DAB1: variants seen among roughly 807,000 people sequenced by gnomAD.
DAB1 encodes the protein DAB adaptor protein 1.
DAB1 carries 15 observed loss-of-function variants against 64.6 expected under a neutral mutation model. The observed-to-expected ratio is 0.23, with a 90% CI of 0.16 to 0.36. DAB1 has a LOEUF of 0.36. Among genes scored for constraint, DAB1 ranks in the 10% least tolerant of loss-of-function variants. The pLI is 1.00. For synonymous variants in DAB1, 235 were observed against 251.9 expected (o/e 0.93, Z 0.64); for missense variants, 596 against 706.7 (o/e 0.84, Z 1.78).
intron 3 of DAB1, among the ~76,000 whole-genome samples, chr1:58,348,774 G>A (rs1188274282): frequency 6.6e-6 from 1 of 152,162 alleles, no homozygotes; most frequent in Non-Finnish European, 1.5e-5. Context: ...CACATGAAAT[G>A]CTAAATTAGA....
intron 1 of DAB1, among the ~76,000 whole-genome samples, chr1:57,852,406 C>CTGTA (rs2101929328): frequency 6.6e-6 from 1 of 152,298 alleles, no homozygotes; most frequent in African/African-American, 2.4e-5. Flanking sequence ...AAACACTCAT[C>CTGTA]TGTATTTCCA....
chr1:58,008,966 C>T (rs17488334), intron 5 of DAB1, among the ~76,000 whole-genome samples: 16,991 of 152,112 alleles, frequency 0.11, 1,268 homozygotes, highest in Non-Finnish European at 0.17. Context: ...GGTCTGGTCA[C>T]GTTAAGCATC....
At chr1:58,239,985 T>C (rs1660217058) in intron 4 of DAB1, among the ~76,000 whole-genome samples, 1 of 152,116 alleles carries the variant, frequency 6.6e-6, no homozygotes, top group African/African-American at 2.4e-5. Context: ...AAAGTTGTCT[T>C]TGCTGAGTAA....
intron 6 of DAB1, among the ~76,000 whole-genome samples, chr1:57,659,701 T>C (rs1646362498): frequency 6.6e-6 from 1 of 151,914 alleles, no homozygotes; most frequent in South Asian, 2.1e-4. Flanking sequence ...GGGGGCTGGG[T>C]GTGGTGGCTC....
chr1:57,605,487 A>T (rs1645625421), intron 7 of DAB1, among the ~76,000 whole-genome samples: 1 of 152,212 alleles, frequency 6.6e-6, no homozygotes, highest in African/African-American at 2.4e-5. Flanking sequence ...CATCCTTTAC[A>T]GCAGTGTTTC....
intron 9 of DAB1, among the ~76,000 whole-genome samples, chr1:57,048,582 G>T (rs1648821432): frequency 6.6e-6 from 1 of 152,182 alleles, no homozygotes. Flanking sequence ...GTAATAACGA[G>T]TGGATTATTC....
intron 3 of DAB1, among the ~76,000 whole-genome samples, chr1:58,417,691 T>C (rs75337707): frequency 3.5e-4 from 54 of 152,302 alleles, no homozygotes; most frequent in African/African-American, 1.2e-3. Context: ...GTGCTGCTGC[T>C]AGGTGGAAAA....
At chr1:57,810,453 G>A (rs139003431) in intron 6 of DAB1, among the ~76,000 whole-genome samples, 258 of 152,316 alleles carry the variant, frequency 1.7e-3, no homozygotes, top group Non-Finnish European at 2.9e-3. Context: ...GTGTGTATTT[G>A]TGTGGGAGTA....
rs550416913 is a variant in DAB1 at position 57,496,105 on chromosome 1, A to T, written n.625+153487T>A. Among the ~76,000 whole-genome samples, 70 of 152,328 alleles carry T rather than the reference A, an allele frequency of 4.6e-4. 1 individual carries two copies. Among genetic ancestry groups the T allele is most frequent in the Non-Finnish European group, 6.9e-4 (47 of 68,030 alleles). The stretch of plus-strand genomic sequence containing the variant: ...AAGAATTTGAAAAAATGTCATTATG[A>T]TGTAGATGATTTCAAGCAGTCTTAA... On this transcript the variant is annotated intron_variant and non_coding_transcript_variant, in intron 7 of 20. Transcript: ENST00000485760.
At chr1:57,809,705 A>ATTTT (rs1428099085) in intron 6 of DAB1, among the ~76,000 whole-genome samples, 2 of 152,206 alleles carry the variant, frequency 1.3e-5, no homozygotes, top group Admixed American at 6.5e-5. Context: ...TTCTCCCCAC[A>ATTTT]TGACACCATA....
At chr1:58,436,024 G>A (rs1463734994) in intron 3 of DAB1, among the ~76,000 whole-genome samples, 1 of 152,198 alleles carries the variant, frequency 6.6e-6, no homozygotes, top group Non-Finnish European at 1.5e-5. Flanking sequence ...GCACCAGCCT[G>A]TTTAACTGAG....
At chr1:57,953,514 G>T (rs1275005301) in intron 5 of DAB1, among the ~76,000 whole-genome samples, 1 of 152,080 alleles carries the variant, frequency 6.6e-6, no homozygotes, top group Non-Finnish European at 1.5e-5. Flanking sequence ...TTCTTTTAAG[G>T]TGTCCCATTT....
At chr1:57,306,620 G>A (rs1291716026) in intron 1 of DAB1, among the ~76,000 whole-genome samples, 1 of 149,572 alleles carries the variant, frequency 6.7e-6, no homozygotes, top group Non-Finnish European at 1.5e-5. Context: ...GCAAGCACTT[G>A]GTAAATTCGG....
intron 5 of DAB1, among the ~76,000 whole-genome samples, chr1:58,071,361 A>AGGG (rs1335211525): frequency 1.0e-5 from 1 of 96,328 alleles, no homozygotes; most frequent in Non-Finnish European, 2.2e-5. Flanking sequence ...TCAAAGGAGA[A>AGGG]TGGTGTGTGT....
At chr1:58,227,968 T>G (rs1441612462) in intron 4 of DAB1, among the ~76,000 whole-genome samples, 1 of 152,216 alleles carries the variant, frequency 6.6e-6, no homozygotes, top group Non-Finnish European at 1.5e-5. Flanking sequence ...ACATACCTGA[T>G]GTAGACATCG....
At chr1:58,233,931 T>C (rs1659898687) in intron 4 of DAB1, among the ~76,000 whole-genome samples, 1 of 152,198 alleles carries the variant, frequency 6.6e-6, no homozygotes, top group Non-Finnish European at 1.5e-5. Context: ...CGGCAAGCTA[T>C]TGTCAGTGAT....
intron 2 of DAB1, among the ~76,000 whole-genome samples, chr1:57,185,664 C>T (rs894463797): frequency 3.3e-5 from 5 of 152,098 alleles, no homozygotes; most frequent in African/African-American, 7.2e-5. Flanking sequence ...GCAGTATTAG[C>T]GCAGATGGAA....
At chr1:58,527,136 T>C (rs1261121670) in intron 2 of DAB1, 1 of 613,632 alleles carries the variant, frequency 1.6e-6, no homozygotes, top group East Asian at 2.7e-5. Flanking sequence ...TTAACAGAAA[T>C]TACATAAAGG....
At chr1:58,491,863 A>C (rs1028329624) in intron 3 of DAB1, among the ~76,000 whole-genome samples, 7 of 152,236 alleles carry the variant, frequency 4.6e-5, no homozygotes, top group Middle Eastern at 3.4e-3. Flanking sequence ...CAATGAGACA[A>C]AAAGTTAACA....
Sources: allele counts gnomAD v4.1 joint callset (sites outside exome capture counted in the v4.1 genomes callset), GRCh38; gene constraint gnomAD v4.1.1; transcripts MANE v1.5; gene names NCBI Gene and HGNC (gene_info 2026-07-23, HGNC 2026-07-21).